The following USP6NL variants were observed in gnomAD, a reference collection of about 807,000 sequenced individuals.
The protein encoded by USP6NL is USP6 N-terminal like, also known as USP6 N-terminal-like protein.
A neutral mutation model predicts 61.9 loss-of-function variants in USP6NL; 26 were observed. The observed-to-expected ratio is 0.42, with a 90% CI of 0.31 to 0.58. The LOEUF (loss-of-function observed/expected upper bound fraction) is 0.58, where lower values mean the gene tolerates loss of function less well. USP6NL is among the 20% of genes least tolerant of loss of function. USP6NL has a pLI of 0.16. For synonymous variants in USP6NL, 432 were observed against 390.1 expected (o/e 1.11, Z -1.27); for missense variants, 1,114 against 1,034.3 (o/e 1.08, Z -1.06).
At position 11,562,886 on chromosome 10, in the gene USP6NL, G is replaced by C. The variant is rs1431214166; in HGVS notation, c.4+34745C>G. On this transcript the variant is annotated intron_variant, in intron 2 of 14. Coordinates refer to ENST00000609104, the MANE Select transcript of USP6NL (RefSeq NM_014688.5). This position sits in a 1 kb window ranked among gnomAD's most constrained non-coding sequence, Gnocchi z 4.8. ...GAAAAAGTAGACATCCACTTACCAT[G>C]CAATCTATGAATCACATTCCTGGGT... The C allele has an allele frequency of 1.8e-6, 1 of 570,472 alleles. No homozygotes were observed. Among genetic ancestry groups the C allele is most frequent in the East Asian group, 1.5e-4 (1 of 6,858 alleles). The allele number at this position is 570,472 out of a possible 1,614,324, so 35.3% of individuals were successfully genotyped here.
At chr10:11,599,293 T>C (rs1838430552) in intron 1 of USP6NL, among the ~76,000 whole-genome samples, 1 of 152,212 alleles carries the variant, frequency 6.6e-6, no homozygotes, top group African/African-American at 2.4e-5. Context: ...TTGTAGAGTC[T>C]AGTCGCTTTG....
At chr10:11,582,055 C>A (rs1837792918) in intron 2 of USP6NL, among the ~76,000 whole-genome samples, 1 of 152,170 alleles carries the variant, frequency 6.6e-6, no homozygotes. Context: ...ACCTCCACCT[C>A]CCGGCTTCAA....
In USP6NL at chr10:11,499,456, G is replaced by A. The variant is rs1215100394; in HGVS notation, c.384+1645C>T. On this transcript the variant is annotated intron_variant, in intron 7 of 14. Coordinates refer to ENST00000609104, the MANE Select transcript of USP6NL (RefSeq NM_014688.5). The surrounding 1 kb of genome is among the most constrained non-coding windows in gnomAD (Gnocchi z 4.5). ...TAGCAGGCAAGCTGGGATGAATAGTGTCCCTCCAAAACTCATGTCCACCAA... is the reference window on the plus strand; with the variant it reads ...TAGCAGGCAAGCTGGGATGAATAGTATCCCTCCAAAACTCATGTCCACCAA... Among the ~76,000 whole-genome samples the A allele has an allele frequency of 6.6e-6, 1 of 152,174 alleles. No individual in the cohort carries two copies. The highest frequency in any genetic ancestry group is 1.5e-5 in the Non-Finnish European group (1 of 68,038).
At chr10:11,565,161 A>G (rs1591934037) in intron 2 of USP6NL, 2 of 152,360 alleles carry the variant, frequency 1.3e-5, no homozygotes, top group Admixed American at 1.3e-4. Flanking sequence ...AACAAAAACT[A>G]AGTTTTGCTT....
At chr10:11,560,007 G>A (rs2133528038) in intron 2 of USP6NL, among the ~76,000 whole-genome samples, 1 of 152,250 alleles carries the variant, frequency 6.6e-6, no homozygotes, top group African/African-American at 2.4e-5. Flanking sequence ...TCTCTAAGGA[G>A]ATTATAAAAG....
rs1479134261 is a variant in USP6NL at position 11,553,854 on chromosome 10, C to A, written c.5-26287G>T. On this transcript the variant is annotated intron_variant, in intron 2 of 14. Coordinates refer to ENST00000609104, the MANE Select transcript of USP6NL (RefSeq NM_014688.5). The surrounding 1 kb of genome is among the most constrained non-coding windows in gnomAD (Gnocchi z 4.8). ...GAGGATGCAGTGAGCCGAGATCGTG[C>A]CACTCCAGCCTGGGCAACAGAGTAA... Among the ~76,000 whole-genome samples the A allele has an allele frequency of 6.6e-6, 1 of 151,106 alleles. No homozygotes were observed. The highest frequency in any genetic ancestry group is 1.5e-5 in the Non-Finnish European group (1 of 67,836).
intron 2 of USP6NL, among the ~76,000 whole-genome samples, chr10:11,583,593 A>G (rs1292652646): frequency 6.6e-6 from 1 of 152,258 alleles, no homozygotes; most frequent in African/African-American, 2.4e-5. Flanking sequence ...AATATGGAAG[A>G]AAAGAGATTT....
intron 2 of USP6NL, among the ~76,000 whole-genome samples, chr10:11,556,717 G>A (rs1591924673): frequency 1.3e-5 from 2 of 151,960 alleles, no homozygotes; most frequent in South Asian, 2.1e-4. Flanking sequence ...CAACCCAAGA[G>A]GAAGACCTAA....
rs1833397329 is a variant in USP6NL, at chr10:11,485,035, G to C, written c.861C>G (p.Ile287Met). 4.5e-6 allele frequency: 7 copies of C among 1,551,102 alleles called. No individual in the cohort carries two copies. The South Asian group carries it at 6.0e-5, about 13-fold the overall frequency. Residue 287 changes from isoleucine (I) to methionine (M), a missense_variant, in exon 13 of 15, where the codon ATC becomes ATG. Physicochemically the swap from Ile to Met is conservative, Grantham distance 10. Coordinates refer to ENST00000609104, the MANE Select transcript of USP6NL (RefSeq NM_014688.5). The surrounding 1 kb of genome is among the most constrained non-coding windows in gnomAD (Gnocchi z 4.8). ...GAACTCGTTCTCCTTCAAAGATGTA[G>C]ATATCCCATATTCTGAGGTTTAGTG... ...PFTLNLRIWD[I>M]YIFEGERVLT...
rs917333580 is a variant in USP6NL at position 11,561,206 on chromosome 10, A to G, written c.5-33639T>C. ...CATCCAAAAAAAATAACATTGTAGA[A>G]TACCTCATTTCCTAACTGAACACTT... On this transcript the variant is annotated intron_variant, in intron 2 of 14. Coordinates refer to ENST00000609104, the MANE Select transcript of USP6NL (RefSeq NM_014688.5). The surrounding 1 kb of genome is among the most constrained non-coding windows in gnomAD (Gnocchi z 4.1). 1.3e-5 allele frequency among the ~76,000 whole-genome samples: 2 copies of G among 152,202 alleles called. No individual in the cohort carries two copies. The highest frequency in any genetic ancestry group is 4.8e-5 in the African/African-American group (2 of 41,464).
intron 7 of USP6NL, among the ~76,000 whole-genome samples, chr10:11,497,778 G>A (rs1316261272): frequency 6.6e-6 from 1 of 152,196 alleles, no homozygotes; most frequent in Non-Finnish European, 1.5e-5. Context: ...TTTTACTCCT[G>A]AATGAAAAGA....
At chr10:11,579,970 G>C (rs189662953) in intron 2 of USP6NL, among the ~76,000 whole-genome samples, 6 of 145,756 alleles carry the variant, frequency 4.1e-5, no homozygotes, top group Admixed American at 2.8e-4. Flanking sequence ...TGGCGGGGGG[G>C]GGGCAGCAAC....
At chr10:11,572,650 A>G (rs967583550) in intron 2 of USP6NL, among the ~76,000 whole-genome samples, 1 of 152,134 alleles carries the variant, frequency 6.6e-6, no homozygotes, top group Non-Finnish European at 1.5e-5. Context: ...ATTATATCAC[A>G]TTAAAGAAAA....
At chr10:11,570,774 C>G (rs1257502402) in intron 2 of USP6NL, among the ~76,000 whole-genome samples, 1 of 152,152 alleles carries the variant, frequency 6.6e-6, no homozygotes, top group Non-Finnish European at 1.5e-5. Flanking sequence ...TCGATGGTGT[C>G]TCACCTTGCC....
intron 2 of USP6NL, among the ~76,000 whole-genome samples, chr10:11,594,433 A>T (rs1287708613): frequency 1.3e-5 from 2 of 152,216 alleles, no homozygotes; most frequent in Admixed American, 6.5e-5. Context: ...TCTAGAATGA[A>T]ATCTCATTAA....
chr10:11,546,937 C>G (rs188802672), intron 2 of USP6NL, among the ~76,000 whole-genome samples: 17 of 152,314 alleles, frequency 1.1e-4, no homozygotes, highest in African/African-American at 4.1e-4. Flanking sequence ...TATCTGTAAA[C>G]ACATGCAAAC....
At chr10:11,545,863 C>A (rs1018197696) in intron 2 of USP6NL, among the ~76,000 whole-genome samples, 1 of 150,406 alleles carries the variant, frequency 6.6e-6, no homozygotes, top group African/African-American at 2.4e-5. Flanking sequence ...TGACACTGAT[C>A]TTGTTGACTA....
chr10:11,573,605 C>T (rs1166634476), intron 2 of USP6NL: 1 of 398,758 alleles, frequency 2.5e-6, no homozygotes, highest in Non-Finnish European at 4.4e-6. Flanking sequence ...GCTAATCCTA[C>T]CTTCCTTCAC....
chr10:11,479,127 T>C (rs553493620), intron 14 of USP6NL, among the ~76,000 whole-genome samples: 2 of 152,102 alleles, frequency 1.3e-5, no homozygotes, highest in African/African-American at 4.8e-5. Flanking sequence ...TGAAAACATA[T>C]AAATGTTAGA....
Sources: allele counts gnomAD v4.1 joint callset (sites outside exome capture counted in the v4.1 genomes callset), GRCh38; gene constraint gnomAD v4.1.1; non-coding constraint Gnocchi (gnomAD v3.1); transcripts MANE v1.5; gene names NCBI Gene and HGNC (gene_info 2026-07-23, HGNC 2026-07-21).